The following WASHC5 variants were observed in gnomAD, a reference collection of about 807,000 sequenced individuals.
WASHC5 encodes WASH complex subunit 5.
WASHC5 carries 101 observed loss-of-function variants against 150.4 expected under a neutral mutation model. The observed-to-expected ratio is 0.67, with a 90% CI of 0.57 to 0.79. WASHC5 has a LOEUF of 0.79. WASHC5 is among the 30% of genes least tolerant of loss of function. The pLI is 0.00. For synonymous variants in WASHC5, 467 were observed against 491.2 expected (o/e 0.95, Z 0.65); for missense variants, 1,195 against 1,396.3 (o/e 0.86, Z 2.30).
chr8:125,028,757 C>A, intron 27 of WASHC5, 50 bp from the exon 28 acceptor site: 1 of 1,288,616 alleles, frequency 7.8e-7, no homozygotes, highest in Non-Finnish European at 1.1e-6. Context: ...ACATCATAAG[C>A]CCTTTTGGTC....
chr8:125,040,802 C>G (rs1815861770), intron 23 of WASHC5: 1 of 152,210 alleles, frequency 6.6e-6, no homozygotes. Context: ...AACCTCTTTC[C>G]TTTATAAATT....
At chr8:125,079,912 G>A (rs566303278) in intron 5 of WASHC5, among the ~76,000 whole-genome samples, 1 of 151,988 alleles carries the variant, frequency 6.6e-6, no homozygotes, top group South Asian at 2.1e-4. Context: ...TGAAAATTGT[G>A]GGTAAAGAAT....
chr8:125,029,886 G>A (rs1815477619), intron 27 of WASHC5, among the ~76,000 whole-genome samples: 1 of 152,196 alleles, frequency 6.6e-6, no homozygotes, highest in South Asian at 2.1e-4. Context: ...AAGAATGACT[G>A]TACCTGGAAA....
intron 19 of WASHC5, 25 bp downstream of exon 19, chr8:125,048,981 A>C (rs1246457979): frequency 1.3e-6 from 2 of 1,575,946 alleles, no homozygotes; most frequent in African/African-American, 2.7e-5. Context: ...AAATATAGTC[A>C]AGAATTTTAA....
At chr8:125,054,209 T>G (rs1464950029) in intron 17 of WASHC5, among the ~76,000 whole-genome samples, 1 of 152,032 alleles carries the variant, frequency 6.6e-6, no homozygotes, top group Non-Finnish European at 1.5e-5. Context: ...TTAAGAAAAA[T>G]GTGGAATTCT....
chr8:125,061,243 C>G, intron 11 of WASHC5, 49 bp from the exon 12 acceptor site: 1 of 1,015,526 alleles, frequency 9.8e-7, no homozygotes. Flanking sequence ...ATTCCTGTAG[C>G]TGTGGCTTTG....
intron 9 of WASHC5, 26 bp downstream of exon 9, chr8:125,073,127 A>G (rs777825514): frequency 5.6e-6 from 9 of 1,613,076 alleles, no homozygotes; most frequent in East Asian, 2.2e-5. Context: ...GGAGTAATAT[A>G]AACGGCCACC....
chr8:125,074,681 G>T (rs1817000025), intron 8 of WASHC5, among the ~76,000 whole-genome samples: 1 of 152,012 alleles, frequency 6.6e-6, no homozygotes, highest in Admixed American at 6.6e-5. Flanking sequence ...TCCAGCTATT[G>T]GTACAACCAA....
intron 25 of WASHC5, among the ~76,000 whole-genome samples, chr8:125,037,709 GAAGA>G (rs945804587): frequency 5.9e-5 from 9 of 152,046 alleles, no homozygotes; most frequent in African/African-American, 2.2e-4. Flanking sequence ...GTGGGAGAGA[GAAGA>G]GAGAGAGAGG....
intron 25 of WASHC5, among the ~76,000 whole-genome samples, chr8:125,038,265 T>A (rs1216140916): frequency 2.0e-5 from 3 of 152,244 alleles, no homozygotes; most frequent in African/African-American, 7.2e-5. Flanking sequence ...TCAAAGTTAC[T>A]ATAATCAAAG....
chr8:125,067,822 G>C, intron 9 of WASHC5, 103 bp from the exon 10 acceptor site: 4 of 1,249,158 alleles, frequency 3.2e-6, no homozygotes, highest in Non-Finnish European at 4.6e-6. Context: ...CATTTAAAAA[G>C]TAATAAGCAA....
chr8:125,037,186 G>T, intron 26 of WASHC5, 51 bp downstream of exon 26: 1 of 1,016,330 alleles, frequency 9.8e-7, no homozygotes, highest in Non-Finnish European at 1.6e-6. Context: ...TTAGTTAAAT[G>T]TTAATCTGTT....
Position 125,036,807 on chromosome 8 carries a change from C to T in WASHC5, c.3181+430G>A, listed in dbSNP as rs142535667. 4.2e-4 allele frequency among the ~76,000 whole-genome samples: 64 copies of T among 152,124 alleles called. No homozygotes were observed. The East Asian group carries it at 0.012, about 28-fold the overall frequency. On this transcript the variant is annotated intron_variant, in intron 26 of 28. Transcript: ENST00000318410. ...GGCGGATCACCTGAGGTCAGGAGTTCGAGACCAGCCTGGTTAACATGGTGA... is the reference window on the plus strand; with the variant it reads ...GGCGGATCACCTGAGGTCAGGAGTTTGAGACCAGCCTGGTTAACATGGTGA...
At chr8:125,079,135 T>TAC (rs1554597076) in intron 5 of WASHC5, among the ~76,000 whole-genome samples, 8 of 117,492 alleles carry the variant, frequency 6.8e-5, no homozygotes, top group Non-Finnish European at 1.1e-4. Context: ...TATATATATA[T>TAC]ATATACATTT....
chr8:125,050,536 G>A (rs749226882), intron 18 of WASHC5, 28 bp downstream of exon 18: 2 of 1,532,034 alleles, frequency 1.3e-6, no homozygotes, highest in South Asian at 1.1e-5. Flanking sequence ...GCGGAGAAGA[G>A]GACAGGCCCA....
rs148609708 is a variant in WASHC5, at chr8:125,069,819, A to G, written c.1151-2100T>C. On this transcript the variant is annotated intron_variant, in intron 9 of 28. Transcript: ENST00000318410. ...CAGCTCCATATTTACCTAACTAAAC[A>G]AAAATCAAACAAACTCAGAAGGAGC... is the stretch of plus-strand genomic sequence containing the variant. Among the ~76,000 whole-genome samples the G allele has an allele frequency of 6.8e-4, 103 of 152,358 alleles. 3 individuals are homozygous for G. Among genetic ancestry groups the G allele is most frequent in the East Asian group, 6.6e-3 (34 of 5,190 alleles).
chr8:125,081,524 C>A, intron 5 of WASHC5, 137 bp downstream of exon 5: 1 of 694,264 alleles, frequency 1.4e-6, no homozygotes, highest in South Asian at 1.5e-5. Flanking sequence ...CAGGCGTTAG[C>A]CACTGTGCCC....
At chr8:125,053,097 GTATT>G (rs1256143826) in intron 17 of WASHC5, among the ~76,000 whole-genome samples, 1 of 145,320 alleles carries the variant, frequency 6.9e-6, no homozygotes, top group African/African-American at 2.7e-5. Flanking sequence ...GAGACGACCT[GTATT>G]TCTTTTTTTT....
Position 125,082,294 on chromosome 8 carries a change from T to C in WASHC5, c.417+89A>G. Reference sequence around the variant, plus strand: ...TTTCGCTTCTCTTTAAAGAATGGTATTTCGTATATATTTGTGACTTAAAAG... The same window carrying C: ...TTTCGCTTCTCTTTAAAGAATGGTACTTCGTATATATTTGTGACTTAAAAG... On this transcript the variant is annotated intron_variant, in intron 4 of 28. Coordinates refer to ENST00000318410, the MANE Select transcript of WASHC5 (RefSeq NM_014846.4). The C allele has an allele frequency of 5.2e-6, 4 of 771,726 alleles. No individual in the cohort carries two copies. The Admixed American group carries it at 7.6e-5, about 15-fold the overall frequency. 47.8% of individuals were successfully genotyped at this position (771,726 alleles called of 1,614,324 possible).
Sources: gnomAD v4.1 joint callset for allele counts (sites outside exome capture counted in the v4.1 genomes callset) on GRCh38, gnomAD v4.1.1 for gene constraint, MANE v1.5 for transcripts, NCBI Gene and HGNC (gene_info 2026-07-23, HGNC 2026-07-21) for gene names.